The following ABCA13 variants were observed in gnomAD, a reference collection of about 807,000 sequenced individuals.
The protein encoded by ABCA13 is ATP-binding cassette sub-family A member 13.
In ABCA13, 476 loss-of-function variants were observed where a neutral mutation model predicts 478.7. The ratio of observed to expected loss-of-function variants is 0.99; its 90% CI spans 0.92 to 1.07. The LOEUF is 1.07. ABCA13 is among the 50% of genes least tolerant of loss of function. ABCA13 has a pLI of 0.00. For missense variants in ABCA13, 6,060 were observed against 5,910.6 expected (o/e 1.03, Z -0.83); for synonymous variants, 2,252 against 2,158.9 (o/e 1.04, Z -1.20).
At chr7:48,393,997 C>G (rs77914626) in intron 38 of ABCA13, among the ~76,000 whole-genome samples, 10,862 of 152,190 alleles carry the variant, frequency 0.071, 562 homozygotes, top group Middle Eastern at 0.15. Flanking sequence ...TATCTTGTCC[C>G]CAAACCCAAC....
chr7:48,291,272 C>T (rs1464064133), intron 20 of ABCA13, among the ~76,000 whole-genome samples: 2 of 152,104 alleles, frequency 1.3e-5, no homozygotes, highest in Non-Finnish European at 2.9e-5. Flanking sequence ...AAGTCTGTAC[C>T]CTTGAGCCCT....
At chr7:48,575,873 A>G (rs1788125091) in intron 55 of ABCA13, among the ~76,000 whole-genome samples, 1 of 152,138 alleles carries the variant, frequency 6.6e-6, no homozygotes, top group African/African-American at 2.4e-5. Context: ...CCAGTACTAG[A>G]GAGACAGTCA....
intron 57 of ABCA13, among the ~76,000 whole-genome samples, 198 bp downstream of exon 57, chr7:48,587,486 T>C (rs1243989483): frequency 6.6e-6 from 1 of 152,264 alleles, no homozygotes. Flanking sequence ...TATTTTTTGC[T>C]AGATTCACTT....
intron 51 of ABCA13, among the ~76,000 whole-genome samples, chr7:48,514,061 A>G (rs1280796385): frequency 6.6e-6 from 1 of 152,218 alleles, no homozygotes; most frequent in African/African-American, 2.4e-5. Flanking sequence ...ACAGATCCTG[A>G]ACCATCTCAA....
At chr7:48,360,957 C>T (rs1336539121) in intron 31 of ABCA13, among the ~76,000 whole-genome samples, 2 of 151,500 alleles carry the variant, frequency 1.3e-5, no homozygotes, top group African/African-American at 2.4e-5. Flanking sequence ...ATTAGCTGGG[C>T]GTTGTGGTGT....
intron 43 of ABCA13, among the ~76,000 whole-genome samples, chr7:48,456,441 G>A (rs969879545): frequency 6.6e-6 from 1 of 152,138 alleles, no homozygotes. Flanking sequence ...TATAAAATAT[G>A]TTTCTTGAAG....
intron 27 of ABCA13, among the ~76,000 whole-genome samples, chr7:48,323,695 T>G (rs1018629136): frequency 6.6e-6 from 1 of 152,188 alleles, no homozygotes; most frequent in Non-Finnish European, 1.5e-5. Context: ...TATCAAGTGG[T>G]GGAGCTGGAA....
intron 55 of ABCA13, among the ~76,000 whole-genome samples, chr7:48,547,916 G>T (rs1784964786): frequency 6.6e-6 from 1 of 151,784 alleles, no homozygotes; most frequent in Admixed American, 6.6e-5. Flanking sequence ...ACTTACAATA[G>T]GTTTATTGGG....
At position 48,453,700 on chromosome 7, in the gene ABCA13, G is replaced by A. The variant is rs113664614; in HGVS notation, c.12566-1337G>A. ...AGGATTCTACCTGAACGTCCGGGCC[G>A]CTTGGCCTGTTTCTCACTTTTTCCT... is the stretch of plus-strand genomic sequence containing the variant. On this transcript the variant is annotated intron_variant, in intron 42 of 61. Transcript: ENST00000435803. Among the ~76,000 whole-genome samples the A allele has an allele frequency of 1.3e-4, 20 of 152,268 alleles. 1 individual carries two copies. The highest frequency in any genetic ancestry group is 2.6e-4 in the African/African-American group (11 of 41,556).
chr7:48,524,409 A>C lies in ABCA13; in HGVS notation c.14213A>C (p.Gln4738Pro). ...RRFFQNIIAV[Q>P]DISLGIPKGE... ...TTTTTCCAGAATATTATTGCTGTGC[A>C]AGATATTAGTTTGGGCATACCAAAA... Residue 4738 changes from glutamine to proline, a missense_variant, in exon 54 of 62, where the codon CAA becomes CCA. Physicochemically the swap from Gln to Pro is moderately conservative, Grantham distance 76. Coordinates refer to ENST00000435803, the MANE Select transcript of ABCA13 (RefSeq NM_152701.5). 1 of 1,611,872 alleles carries C rather than the reference A, an allele frequency of 6.2e-7. No homozygotes were observed. The highest frequency in any genetic ancestry group is 8.5e-7 in the Non-Finnish European group (1 of 1,179,082).
At chr7:48,356,219 C>T (rs1809888318) in intron 31 of ABCA13, among the ~76,000 whole-genome samples, 1 of 151,968 alleles carries the variant, frequency 6.6e-6, no homozygotes, top group Admixed American at 6.5e-5. Context: ...ATTGGATTTA[C>T]ACCATCCAGG....
At chr7:48,517,442 G>C (rs1431944732) in intron 52 of ABCA13, among the ~76,000 whole-genome samples, 7 of 152,134 alleles carry the variant, frequency 4.6e-5, no homozygotes, top group Admixed American at 1.3e-4. Context: ...GAGGCCCGTG[G>C]TCAGGAAGAA....
At chr7:48,616,851 T>C (rs1359619217) in intron 59 of ABCA13, among the ~76,000 whole-genome samples, 4 of 152,130 alleles carry the variant, frequency 2.6e-5, no homozygotes, top group African/African-American at 9.7e-5. Flanking sequence ...TGAGACCTCA[T>C]TCCTACAAAA....
In ABCA13 at chr7:48,276,180, T is replaced by C; in HGVS notation, c.6514T>C (p.Leu2172=). Residue 2172 remains leucine, a synonymous_variant, in exon 17 of 62, where the codon TTA becomes CTA. Coordinates refer to ENST00000435803, the MANE Select transcript of ABCA13 (RefSeq NM_152701.5). Reference sequence around the variant, plus strand: ...AGCTATTGCTACTTTTTGGGGCTCTTTAAAAAATATATCTAGAGCAGGCAA... The same window carrying C: ...AGCTATTGCTACTTTTTGGGGCTCTCTAAAAAATATATCTAGAGCAGGCAA... The part of the protein sequence containing the change: ...AKAIATFWGS[L]KNISRAGNFD... 1.3e-6 allele frequency: 2 copies of C among 1,591,796 alleles called. No individual in the cohort carries two copies. The highest frequency in any genetic ancestry group is 2.3e-5 in the East Asian group (1 of 44,362).
rs903066608 is a variant in ABCA13, at chr7:48,235,662, G to A, written c.897+1511G>A. On this transcript the variant is annotated intron_variant, in intron 8 of 61. Coordinates refer to ENST00000435803, the MANE Select transcript of ABCA13 (RefSeq NM_152701.5). ...CTGCAATCCTTCTTGAGGTCAAGGG[G>A]ACATACTGTTGTGGGGGAGGAAAAA... is the stretch of plus-strand genomic sequence containing the variant. 5.0e-4 allele frequency among the ~76,000 whole-genome samples: 76 copies of A among 152,206 alleles called. 1 individual carries two copies. The highest frequency in any genetic ancestry group is 1.3e-4 in the Non-Finnish European group (9 of 68,044).
In ABCA13 at chr7:48,615,298, G is replaced by T; in HGVS notation, c.14758G>T (p.Glu4920Ter). 6.4e-7 allele frequency: 1 copy of T among 1,566,064 alleles called. No homozygotes were observed. Among genetic ancestry groups the T allele is most frequent in the Non-Finnish European group, 8.7e-7 (1 of 1,152,904 alleles). Residue 4920 changes from glutamate to a stop codon, truncating the protein, a stop_gained, in exon 59 of 62, where the codon GAG becomes TAG. Transcript: ENST00000435803. LOFTEE classifies it high-confidence loss of function. ...VLTSHSMEEC[E>*]ALCTRLAIMV... ...CCTTCTTTACAGCATGGAGGAGTGT[G>T]AGGCTCTTTGCACAAGACTGGCCAT...
intron 31 of ABCA13, among the ~76,000 whole-genome samples, chr7:48,365,752 C>G (rs1293774659): frequency 6.6e-6 from 1 of 151,990 alleles, no homozygotes; most frequent in Non-Finnish European, 1.5e-5. Flanking sequence ...TATTTGTGTT[C>G]TTTATTCTGT....
intron 23 of ABCA13, among the ~76,000 whole-genome samples, chr7:48,303,350 T>C (rs1009696002): frequency 6.6e-6 from 1 of 152,182 alleles, no homozygotes; most frequent in Non-Finnish European, 1.5e-5. Flanking sequence ...TTAGGTCCCA[T>C]TTTTCAATTT....
In ABCA13 at chr7:48,372,514, G is replaced by GT. The variant is rs1812792739; in HGVS notation, c.11133+18dup. On this transcript the variant is annotated intron_variant, in intron 33 of 61. Coordinates refer to ENST00000435803, the MANE Select transcript of ABCA13 (RefSeq NM_152701.5). The stretch of plus-strand genomic sequence containing the variant: ...ACATTTCTGGTAAGTAAGTTGTTTT[G>GT]TAAAAAAAAAAAAAAAAAACAACAA... The GT allele has an allele frequency of 1.3e-6, 1 of 799,368 alleles. No homozygotes were observed. The highest frequency in any genetic ancestry group is 1.7e-6 in the Non-Finnish European group (1 of 596,374). The allele number at this position is 799,368 out of a possible 1,614,324, so 49.5% of individuals were successfully genotyped here.
Sources: allele counts gnomAD v4.1 joint callset (sites outside exome capture counted in the v4.1 genomes callset), GRCh38; gene constraint gnomAD v4.1.1; transcripts MANE v1.5; gene names NCBI Gene and HGNC (gene_info 2026-07-23, HGNC 2026-07-21).